CADPS2: variants seen among roughly 807,000 people sequenced by gnomAD.
CADPS2 encodes the protein calcium-dependent secretion activator 2.
CADPS2 carries 93 observed loss-of-function variants against 172.5 expected under a neutral mutation model. The observed-to-expected ratio is 0.54, with a 90% confidence interval of 0.46 to 0.64. The LOEUF is 0.64. CADPS2 is among the 30% of genes least tolerant of loss of function. CADPS2 has a pLI of 0.00. For synonymous variants in CADPS2, 546 were observed against 555.2 expected (o/e 0.98, Z 0.23); for missense variants, 1,420 against 1,565.9 (o/e 0.91, Z 1.57).
At chr7:122,867,633 G>A (rs1036698332) in intron 1 of CADPS2, among the ~76,000 whole-genome samples, 1 of 152,174 alleles carries the variant, frequency 6.6e-6, no homozygotes, top group Non-Finnish European at 1.5e-5. Flanking sequence ...AGGGAGTTTT[G>A]ACTGCATGGT....
At chr7:122,481,218 T>G (rs1236346024) in intron 11 of CADPS2, among the ~76,000 whole-genome samples, 2 of 145,042 alleles carry the variant, frequency 1.4e-5, no homozygotes, top group Non-Finnish European at 3.0e-5. Context: ...CAGGCTGGAG[T>G]GCAGTGGTGC....
At chr7:122,721,371 C>T (rs1209228415) in intron 2 of CADPS2, among the ~76,000 whole-genome samples, 2 of 152,084 alleles carry the variant, frequency 1.3e-5, no homozygotes, top group Non-Finnish European at 2.9e-5. Flanking sequence ...CCACCGATCC[C>T]ACAGAAATAC....
In CADPS2 at chr7:122,387,135, C is replaced by T; in HGVS notation, c.3203G>A (p.Ser1068Asn). 1.9e-6 allele frequency: 3 copies of T among 1,579,968 alleles called. No homozygotes were observed. Among genetic ancestry groups the T allele is most frequent in the Non-Finnish European group, 2.6e-6 (3 of 1,160,702 alleles). ...TGGAATGCGCAAGTCAGTTGTTTTG[C>T]TTGCCTTTTGTAGCTTGAGTTCAAA... ...TAFELKLQKA[S>N]KTTDLRIPAS... The change falls in exon 24 of 30, where the codon AGC (serine) becomes AAC (asparagine). Residue 1068 changes from serine (S) to asparagine (N), a missense_variant. Ser to Asn is a conservative substitution (Grantham distance 46). Coordinates refer to ENST00000449022, the MANE Select transcript of CADPS2 (RefSeq NM_017954.11).
intron 1 of CADPS2, among the ~76,000 whole-genome samples, chr7:122,756,236 T>TA (rs2093155621): frequency 4.0e-5 from 6 of 149,402 alleles, no homozygotes; most frequent in Admixed American, 3.3e-4. Flanking sequence ...ATATATATAT[T>TA]GGTATGTACC....
At chr7:122,359,797 A>G (rs2039900414) in intron 27 of CADPS2, among the ~76,000 whole-genome samples, 1 of 152,150 alleles carries the variant, frequency 6.6e-6, no homozygotes, top group Admixed American at 6.5e-5. Flanking sequence ...TAAAAAGTCC[A>G]GTTCCAAAGA....
At chr7:122,849,231 G>GT (rs1267780788) in intron 1 of CADPS2, among the ~76,000 whole-genome samples, 1 of 152,072 alleles carries the variant, frequency 6.6e-6, no homozygotes, top group Non-Finnish European at 1.5e-5. Context: ...TTTAAGCTTT[G>GT]TTTACAAAGA....
At chr7:122,376,438 T>C (rs760935762) in intron 25 of CADPS2, among the ~76,000 whole-genome samples, 2 of 152,142 alleles carry the variant, frequency 1.3e-5, no homozygotes, top group African/African-American at 2.4e-5. Flanking sequence ...CAGATGAACC[T>C]GGAATATATT....
intron 1 of CADPS2, among the ~76,000 whole-genome samples, chr7:122,747,699 C>T (rs1006808431): frequency 6.6e-6 from 1 of 152,094 alleles, no homozygotes; most frequent in East Asian, 1.9e-4. Context: ...CCAGGTATAT[C>T]TGACTGATAT....
intron 7 of CADPS2, among the ~76,000 whole-genome samples, chr7:122,564,846 T>TGC (rs1554626165): frequency 2.7e-5 from 2 of 75,214 alleles, no homozygotes; most frequent in Admixed American, 1.7e-4. Flanking sequence ...TACACACACA[T>TGC]GCACACACAC....
Position 122,746,714 on chromosome 7 carries a change from G to T in CADPS2, c.340-9646C>A, listed in dbSNP as rs557619533. Among the ~76,000 whole-genome samples, 19 of 152,126 alleles carry T rather than the reference G, an allele frequency of 1.2e-4. No homozygotes were observed. In the South Asian group the frequency reaches 3.7e-3, roughly 30 times the overall value. On this transcript the variant is annotated intron_variant, in intron 1 of 29. Coordinates refer to ENST00000449022, the MANE Select transcript of CADPS2 (RefSeq NM_017954.11). ...GTTGGGCTGCATTGAAAGTCATCCT[G>T]GGCTGCATACGACCTGTGGGCCAGA...
chr7:122,470,737 C>T lies in CADPS2; in HGVS notation c.2186+638G>A, dbSNP rs138096320. Reference sequence around the variant, plus strand: ...TCTCAAACTCCTGGCCTCAGGTGATCCACCCTCCTTGGCCTCTCAAAGTGC... The same window carrying T: ...TCTCAAACTCCTGGCCTCAGGTGATTCACCCTCCTTGGCCTCTCAAAGTGC... On this transcript the variant is annotated intron_variant, in intron 14 of 29. Transcript: ENST00000449022. 6.9e-3 allele frequency among the ~76,000 whole-genome samples: 1,055 copies of T among 152,176 alleles called. 8 individuals carry two copies. Among genetic ancestry groups the T allele is most frequent in the African/African-American group, 0.024 (986 of 41,528 alleles).
intron 8 of CADPS2, among the ~76,000 whole-genome samples, chr7:122,552,274 C>T (rs2131935347): frequency 6.6e-6 from 1 of 152,222 alleles, no homozygotes; most frequent in African/African-American, 2.4e-5. Flanking sequence ...TCTAACATTG[C>T]TTCAATGTAT....
chr7:122,745,438 C>T lies in CADPS2; in HGVS notation c.340-8370G>A, dbSNP rs554505755. 9.2e-5 allele frequency among the ~76,000 whole-genome samples: 14 copies of T among 151,848 alleles called. 1 individual carries two copies. Among genetic ancestry groups the T allele is most frequent in the East Asian group, 3.9e-4 (2 of 5,128 alleles). On this transcript the variant is annotated intron_variant, in intron 1 of 29. Transcript: ENST00000449022. ...TTGATCCCAAAGCCTATATTCTTTC[C>T]GATTACCATATTATTCCGTTTCCCT...
rs180974702 is a variant in CADPS2 at position 122,871,433 on chromosome 7, T to G, written c.339+14566A>C. On this transcript the variant is annotated intron_variant, in intron 1 of 29. Coordinates refer to ENST00000449022, the MANE Select transcript of CADPS2 (RefSeq NM_017954.11). Reference sequence around the variant, plus strand: ...ATAAAACAAAAGCACAACAAATACATGCATATGTACATTTATATTTATACA... The same window carrying G: ...ATAAAACAAAAGCACAACAAATACAGGCATATGTACATTTATATTTATACA... 1.3e-4 allele frequency among the ~76,000 whole-genome samples: 20 copies of G among 151,638 alleles called. No homozygotes were observed. In the East Asian group the frequency reaches 2.5e-3, roughly 19 times the overall value.
chr7:122,778,400 T>A lies in CADPS2; in HGVS notation c.340-41332A>T, dbSNP rs1589146657. ...AAAGAAAAAGAAAAGAAAAACTGAT[T>A]TTCTGGGGAGAAAGTCAAGCCTGTT... On this transcript the variant is annotated intron_variant, in intron 1 of 29. Transcript: ENST00000449022. 2.6e-5 allele frequency among the ~76,000 whole-genome samples: 4 copies of A among 152,186 alleles called. No homozygotes were observed. The South Asian group carries it at 8.3e-4, about 32-fold the overall frequency.
chr7:122,420,613 C>A (rs2048432753), intron 17 of CADPS2, among the ~76,000 whole-genome samples: 1 of 152,166 alleles, frequency 6.6e-6, no homozygotes, highest in Admixed American at 6.5e-5. Flanking sequence ...TTTGAGAATT[C>A]TTCCTTAAAA....
intron 1 of CADPS2, chr7:122,850,272 G>C (rs1199700242): frequency 2.6e-6 from 2 of 766,202 alleles, no homozygotes; most frequent in African/African-American, 3.7e-5. Flanking sequence ...GGGGCCCCAG[G>C]ACTCCCCAGC....
intron 2 of CADPS2, among the ~76,000 whole-genome samples, chr7:122,680,532 G>A (rs193236230): frequency 1.1e-3 from 162 of 152,238 alleles, no homozygotes; most frequent in African/African-American, 3.4e-3. Context: ...TGGCCAACAT[G>A]GCAAAAGCCT....
intron 1 of CADPS2, among the ~76,000 whole-genome samples, chr7:122,855,451 C>T (rs1814923892): frequency 6.6e-6 from 1 of 152,096 alleles, no homozygotes; most frequent in Non-Finnish European, 1.5e-5. Flanking sequence ...AGTGTCCTTC[C>T]ATTCACACTA....
Sources: allele counts gnomAD v4.1 joint callset (sites outside exome capture counted in the v4.1 genomes callset), GRCh38; gene constraint gnomAD v4.1.1; transcripts MANE v1.5; gene names NCBI Gene and HGNC (gene_info 2026-07-23, HGNC 2026-07-21).